The following L3MBTL3 variants were observed in gnomAD, a reference collection of about 807,000 sequenced individuals.
The protein encoded by L3MBTL3 is lethal(3)malignant brain tumor-like protein 3.
Under a neutral mutation model 102.3 loss-of-function variants are expected in L3MBTL3, and 27 were observed. The observed-to-expected ratio is 0.26, with a 90% CI of 0.19 to 0.36. The LOEUF (loss-of-function observed/expected upper bound fraction) is 0.36. Ranked by LOEUF, L3MBTL3 falls within the 10% of genes least tolerant of loss-of-function variation. The probability of loss-of-function intolerance (pLI) is 1.00; values close to 1 mark genes in which losing one functional copy is unlikely to be tolerated. For synonymous variants in L3MBTL3, 340 were observed against 320.9 expected, an observed-to-expected ratio of 1.06 and a Z score of -0.64; for missense variants, 798 against 955.3, an observed-to-expected ratio of 0.84 and a Z score of 2.17.
At chr6:130,048,172 A>C (rs548812338) in intron 3 of L3MBTL3, among the ~76,000 whole-genome samples, 5 of 152,346 alleles carry the variant, frequency 3.3e-5, no homozygotes, top group African/African-American at 1.2e-4. Context: ...AAATAATTCT[A>C]TTGGCGTGTT....
At chr6:130,068,759 A>G (rs1015599325) in intron 12 of L3MBTL3, among the ~76,000 whole-genome samples, 2 of 152,226 alleles carry the variant, frequency 1.3e-5, no homozygotes, top group African/African-American at 2.4e-5. Flanking sequence ...TGGGATTCAC[A>G]TAGCCAGATG....
intron 19 of L3MBTL3, among the ~76,000 whole-genome samples, chr6:130,119,470 A>C (rs1474624400): frequency 6.6e-6 from 1 of 152,220 alleles, no homozygotes; most frequent in Non-Finnish European, 1.5e-5. Flanking sequence ...TTATTTTTAC[A>C]TAGAAAACAC....
intron 16 of L3MBTL3, among the ~76,000 whole-genome samples, chr6:130,089,110 A>G (rs1783871713): frequency 6.6e-6 from 1 of 152,046 alleles, no homozygotes; most frequent in Admixed American, 6.6e-5. Context: ...ATATATGTGT[A>G]CAACGTGCAG....
chr6:130,023,654 T>G (rs1340438436), intron 2 of L3MBTL3, among the ~76,000 whole-genome samples: 2 of 152,214 alleles, frequency 1.3e-5, no homozygotes, highest in African/African-American at 4.8e-5. Flanking sequence ...GCCTTGCATC[T>G]TTTGTTAAAA....
intron 22 of L3MBTL3, among the ~76,000 whole-genome samples, chr6:130,135,966 C>G (rs1787610839): frequency 6.6e-6 from 1 of 152,178 alleles, no homozygotes. Context: ...AGGCAAAGGA[C>G]AAGTATTCAG....
At chr6:130,134,139 A>G (rs1170793345) in intron 22 of L3MBTL3, among the ~76,000 whole-genome samples, 2 of 152,224 alleles carry the variant, frequency 1.3e-5, no homozygotes, top group Non-Finnish European at 2.9e-5. Context: ...CACAGCAGTA[A>G]CACTAGGCTC....
At chr6:130,062,731 A>G (rs1406787464) in intron 10 of L3MBTL3, among the ~76,000 whole-genome samples, 1 of 151,330 alleles carries the variant, frequency 6.6e-6, no homozygotes, top group Non-Finnish European at 1.5e-5. Flanking sequence ...TCTCCATTTT[A>G]TAGAATTGAC....
At chr6:130,098,769 A>G (rs560471383) in intron 18 of L3MBTL3, among the ~76,000 whole-genome samples, 1 of 151,998 alleles carries the variant, frequency 6.6e-6, no homozygotes, top group East Asian at 1.9e-4. Context: ...TCAGAATTCA[A>G]CCCAGGCTTG....
At chr6:130,037,297 AAAT>A (rs1296467288) in intron 2 of L3MBTL3, among the ~76,000 whole-genome samples, 2 of 152,316 alleles carry the variant, frequency 1.3e-5, no homozygotes, top group Non-Finnish European at 2.9e-5. Context: ...TTGCCAAAGA[AAAT>A]AATGGAAATG....
intron 4 of L3MBTL3, 177 bp downstream of exon 4, chr6:130,049,570 C>T: frequency 4.3e-6 from 3 of 698,546 alleles, no homozygotes; most frequent in Non-Finnish European, 6.9e-6. Context: ...TTTAAAATAA[C>T]TATAAACTGT....
chr6:130,046,606 ACATG>A (rs1460597865), intron 3 of L3MBTL3, among the ~76,000 whole-genome samples: 1 of 152,222 alleles, frequency 6.6e-6, no homozygotes, highest in Non-Finnish European at 1.5e-5. Context: ...GGATATATCC[ACATG>A]CAGAAAAAGT....
At chr6:130,077,658 T>C (rs1783042084) in intron 13 of L3MBTL3, among the ~76,000 whole-genome samples, 1 of 152,224 alleles carries the variant, frequency 6.6e-6, no homozygotes, top group African/African-American at 2.4e-5. Context: ...AGAAAATTAT[T>C]TGTTTCACTA....
intron 18 of L3MBTL3, among the ~76,000 whole-genome samples, chr6:130,099,110 GA>G (rs928392416): frequency 4.6e-5 from 7 of 152,004 alleles, no homozygotes; most frequent in Admixed American, 2.0e-4. Flanking sequence ...GCCTTCCCTA[GA>G]AAAAAACATT....
At chr6:130,060,990 G>A (rs1169410453) in intron 10 of L3MBTL3, among the ~76,000 whole-genome samples, 1 of 151,860 alleles carries the variant, frequency 6.6e-6, no homozygotes, top group Non-Finnish European at 1.5e-5. Flanking sequence ...ACCATGTGCT[G>A]GATAATGACA....
In L3MBTL3 at chr6:130,133,381, G is replaced by T; in HGVS notation, c.1967-71G>T. Reference sequence around the variant, plus strand: ...CTCCCACCTCCAGTCTCGTTATCTGGGAGATGCACGGCATTTGGGGCTTTC... The same window carrying T: ...CTCCCACCTCCAGTCTCGTTATCTGTGAGATGCACGGCATTTGGGGCTTTC... On this transcript the variant is annotated intron_variant, in intron 20 of 22. Transcript: ENST00000361794. This position sits in a 1 kb window ranked among gnomAD's most constrained non-coding sequence, Gnocchi z 4.9. 1 of 1,459,568 alleles carries T rather than the reference G, an allele frequency of 6.9e-7. No individual in the cohort carries two copies. The highest frequency in any genetic ancestry group is 9.5e-7 in the Non-Finnish European group (1 of 1,051,118). 90.4% of individuals were successfully genotyped at this position (1,459,568 alleles called of 1,614,324 possible). A position where few individuals can be genotyped will look rare whatever the true frequency, so the allele number is the denominator to read the frequency against.
chr6:130,139,384 G>A (rs1011498186), intron 22 of L3MBTL3, among the ~76,000 whole-genome samples: 1 of 152,084 alleles, frequency 6.6e-6, no homozygotes, highest in Non-Finnish European at 1.5e-5. Context: ...TTTTCCTTTG[G>A]CTGGTTTTTC....
chr6:130,049,924 C>G, intron 5 of L3MBTL3, 94 bp downstream of exon 5: 1 of 1,457,272 alleles, frequency 6.9e-7, no homozygotes, highest in Non-Finnish European at 9.2e-7. Flanking sequence ...ACCCATATTT[C>G]AGTTGACAAT....
intron 18 of L3MBTL3, among the ~76,000 whole-genome samples, chr6:130,098,874 T>C (rs906914865): frequency 7.9e-5 from 12 of 151,320 alleles, no homozygotes; most frequent in African/African-American, 2.7e-4. Context: ...TTTTTTTTTT[T>C]TTTTTTTTTT....
rs75192124 is a variant in L3MBTL3, at chr6:130,038,893, T to G, written c.-15-3792T>G. Among the ~76,000 whole-genome samples the G allele has an allele frequency of 9.4e-3, 1,426 of 152,226 alleles. 52 individuals are homozygous for G. The East Asian group carries it at 0.11, about 12-fold the overall frequency. On this transcript the variant is annotated intron_variant, in intron 2 of 22. Transcript: ENST00000361794. ...AAATGATCAGAAATAGGCTTAATAA[T>G]ATGTCTAATATTTGATGTTTTCTCT...
Sources: allele counts gnomAD v4.1 joint callset (sites outside exome capture counted in the v4.1 genomes callset), GRCh38; gene constraint gnomAD v4.1.1; non-coding constraint Gnocchi (gnomAD v3.1); transcripts MANE v1.5; gene names NCBI Gene and HGNC (gene_info 2026-07-23, HGNC 2026-07-21).